TBC1D5: variants seen among roughly 807,000 people sequenced by gnomAD.
TBC1D5 encodes TBC1 domain family, member 5.
Under a neutral mutation model 100.3 loss-of-function variants are expected in TBC1D5, and 75 were observed. That is an observed-to-expected ratio of 0.75 (90% CI 0.62 to 0.91). TBC1D5 has a LOEUF of 0.91. TBC1D5 is among the 40% of genes least tolerant of loss of function. The probability of loss-of-function intolerance (pLI) is 0.00; values close to 1 mark genes in which losing one functional copy is unlikely to be tolerated. For synonymous variants in TBC1D5, 323 were observed against 325.6 expected, an observed-to-expected ratio of 0.99 and a Z score of 0.09; for missense variants, 910 against 942.4, an observed-to-expected ratio of 0.97 and a Z score of 0.45.
chr3:17,440,403 A>C (rs1310801001), intron 3 of TBC1D5, among the ~76,000 whole-genome samples: 1 of 152,160 alleles, frequency 6.6e-6, no homozygotes, highest in Non-Finnish European at 1.5e-5. Context: ...AGGTGGGCAG[A>C]TCACTTGAGC....
At chr3:17,283,930 T>C (rs1461941662) in intron 15 of TBC1D5, among the ~76,000 whole-genome samples, 3 of 152,202 alleles carry the variant, frequency 2.0e-5, no homozygotes, top group African/African-American at 7.2e-5. Context: ...GCATTTGCTA[T>C]TCCCCTTCCT....
chr3:17,270,205 G>A (rs963866825), intron 15 of TBC1D5, among the ~76,000 whole-genome samples: 2 of 152,110 alleles, frequency 1.3e-5, no homozygotes, highest in Non-Finnish European at 2.9e-5. Flanking sequence ...GTGTGAGATG[G>A]TATCTCACTA....
intron 15 of TBC1D5, among the ~76,000 whole-genome samples, chr3:17,271,258 T>G (rs1370198440): frequency 6.6e-6 from 1 of 152,168 alleles, no homozygotes; most frequent in Non-Finnish European, 1.5e-5. Context: ...CTGGAATGTT[T>G]TTCCATTTGT....
At chr3:17,378,468 A>T (rs1654598296) in intron 9 of TBC1D5, among the ~76,000 whole-genome samples, 1 of 151,840 alleles carries the variant, frequency 6.6e-6, no homozygotes, top group South Asian at 2.1e-4. Flanking sequence ...GCAAGATTGA[A>T]CCCCAAAATT....
intron 2 of TBC1D5, among the ~76,000 whole-genome samples, chr3:17,526,527 C>T (rs2096137960): frequency 6.6e-6 from 1 of 152,194 alleles, no homozygotes. Context: ...ATTTAGTCAA[C>T]ATTATCTAGG....
At chr3:17,380,045 ATGTGTGTGTG>A (rs3041142) in intron 9 of TBC1D5, among the ~76,000 whole-genome samples, 66 of 112,490 alleles carry the variant, frequency 5.9e-4, no homozygotes, top group South Asian at 1.9e-3. Flanking sequence ...GTGACTGTGT[ATGTGTGTGTG>A]TGTGTGTGTG....
chr3:17,381,062 A>G (rs1270470818), intron 9 of TBC1D5, among the ~76,000 whole-genome samples: 1 of 152,138 alleles, frequency 6.6e-6, no homozygotes, highest in Non-Finnish European at 1.5e-5. Context: ...AGGATTTTAA[A>G]CATGTACAGG....
intron 3 of TBC1D5, among the ~76,000 whole-genome samples, chr3:17,484,977 A>G (rs1443426875): frequency 6.6e-6 from 1 of 152,184 alleles, no homozygotes; most frequent in Non-Finnish European, 1.5e-5. Flanking sequence ...GCAAGGTAAC[A>G]CTGGACAACA....
intron 19 of TBC1D5, among the ~76,000 whole-genome samples, chr3:17,176,677 T>A: frequency 6.7e-6 from 1 of 150,282 alleles, no homozygotes; most frequent in African/African-American, 2.5e-5. Flanking sequence ...GAAGGGAGAG[T>A]ATTAGGAAAA....
rs149938252 is a variant in TBC1D5, at chr3:17,683,295, A to C, written c.-101+56048T>G. On this transcript the variant is annotated intron_variant, in intron 1 of 21. Coordinates refer to ENST00000253692, the Ensembl canonical transcript of TBC1D5. ...CCTGATAACATTATTTTTTTTAAGG[A>C]AATTAAATTTTACCTAATAGAGCCC... is the stretch of plus-strand genomic sequence containing the variant. Among the ~76,000 whole-genome samples the C allele has an allele frequency of 3.6e-3, 551 of 151,448 alleles. 36 individuals are homozygous for C. Among genetic ancestry groups the C allele is most frequent in the African/African-American group, 0.012 (504 of 40,808 alleles).
intron 16 of TBC1D5, among the ~76,000 whole-genome samples, chr3:17,256,799 G>A (rs1035406587): frequency 6.6e-6 from 1 of 152,170 alleles, no homozygotes; most frequent in African/African-American, 2.4e-5. Context: ...TCATGATGAT[G>A]GGATAGAGTG....
At position 17,656,160 on chromosome 3, in the gene TBC1D5, C is replaced by A. The variant is rs150464455; in HGVS notation, c.-100-32247G>T. Among the ~76,000 whole-genome samples, 26 of 152,284 alleles carry A rather than the reference C, an allele frequency of 1.7e-4. No homozygotes were observed. The East Asian group carries it at 5.0e-3, about 29-fold the overall frequency. On this transcript the variant is annotated intron_variant, in intron 1 of 21. Coordinates refer to ENST00000253692, the Ensembl canonical transcript of TBC1D5. ...AAACTAGCGATCACAATCACTCTCT[C>A]AAAGAAGCTGCCCTGAATCCAGTCT...
intron 2 of TBC1D5, among the ~76,000 whole-genome samples, chr3:17,517,387 T>G (rs370936753): frequency 2.8e-4 from 43 of 152,344 alleles, no homozygotes; most frequent in African/African-American, 9.4e-4. Context: ...GTGTTTCATT[T>G]AAAAGTTTTA....
chr3:17,411,459 T>A (rs1477172069), intron 4 of TBC1D5, among the ~76,000 whole-genome samples: 2 of 152,266 alleles, frequency 1.3e-5, no homozygotes, highest in Non-Finnish European at 2.9e-5. Flanking sequence ...TTGTAGTCTG[T>A]GAACAACAAG....
intron 3 of TBC1D5, among the ~76,000 whole-genome samples, chr3:17,457,656 C>T (rs1299182474): frequency 6.6e-6 from 1 of 151,796 alleles, no homozygotes; most frequent in African/African-American, 2.4e-5. Context: ...TATGTCATAT[C>T]TGCATTTGTG....
intron 13 of TBC1D5, among the ~76,000 whole-genome samples, chr3:17,343,428 C>G (rs980864600): frequency 1.4e-4 from 21 of 151,162 alleles, no homozygotes; most frequent in Non-Finnish European, 2.9e-4. Flanking sequence ...CTAAAATTCT[C>G]TTTTTTGGTT....
chr3:17,201,300 G>A (rs1014742646), intron 18 of TBC1D5, among the ~76,000 whole-genome samples: 1 of 152,152 alleles, frequency 6.6e-6, no homozygotes, highest in African/African-American at 2.4e-5. Flanking sequence ...ACCAGGGTGT[G>A]CTGCTTAGTG....
intron 19 of TBC1D5, chr3:17,184,455 A>C (rs147015270): frequency 6.6e-6 from 1 of 152,334 alleles, no homozygotes; most frequent in Admixed American, 6.5e-5. Flanking sequence ...GGTCTGAGGT[A>C]AGTAGACATT....
intron 13 of TBC1D5, among the ~76,000 whole-genome samples, chr3:17,328,823 C>T (rs1276787244): frequency 6.6e-6 from 1 of 152,178 alleles, no homozygotes; most frequent in Admixed American, 6.5e-5. Flanking sequence ...ATGAATTCTT[C>T]ATGGATAATG....
Sources: gnomAD v4.1 joint callset for allele counts (sites outside exome capture counted in the v4.1 genomes callset) on GRCh38, gnomAD v4.1.1 for gene constraint, MANE v1.5 for transcripts, NCBI Gene and HGNC (gene_info 2026-07-23, HGNC 2026-07-21) for gene names.